The following RABGAP1L variants were observed in gnomAD, a reference collection of about 807,000 sequenced individuals.
RABGAP1L encodes the protein rab GTPase-activating protein 1-like.
RABGAP1L carries 63 observed loss-of-function variants against 137.7 expected under a neutral mutation model. That is an observed-to-expected ratio of 0.46 (90% CI 0.37 to 0.56). The LOEUF (loss-of-function observed/expected upper bound fraction) is 0.56. Among genes scored for constraint, RABGAP1L ranks in the 20% least tolerant of loss-of-function variants. The probability of loss-of-function intolerance (pLI) is 0.00; values close to 1 mark genes in which losing one functional copy is unlikely to be tolerated. For missense variants in RABGAP1L, 1,095 were observed against 1,244.0 expected (o/e 0.88, Z 1.80); for synonymous variants, 431 against 433.7 (o/e 0.99, Z 0.08).
At position 174,299,854 on chromosome 1, in the gene RABGAP1L, TC is replaced by T. The variant is rs575523736; in HGVS notation, c.1324-5131del. 8.5e-5 allele frequency among the ~76,000 whole-genome samples: 13 copies of T among 152,314 alleles called. No individual in the cohort carries two copies. The South Asian group carries it at 2.7e-3, about 32-fold the overall frequency. On this transcript the variant is annotated intron_variant, in intron 10 of 25. Transcript: ENST00000681986. The stretch of plus-strand genomic sequence containing the variant: ...TTACAGTCTCCAAAGTTATCAGAAG[TC>T]TGTGTTTGAGAGCGACTGTTAAAGT...
intron 14 of RABGAP1L, among the ~76,000 whole-genome samples, chr1:174,662,735 AT>A (rs1455454322): frequency 6.6e-6 from 1 of 152,150 alleles, no homozygotes; most frequent in Non-Finnish European, 1.5e-5. Context: ...CTCCATGCAT[AT>A]TTTTGTCCCT....
At chr1:174,222,832 G>A (rs1187628220) in intron 3 of RABGAP1L, among the ~76,000 whole-genome samples, 1 of 152,158 alleles carries the variant, frequency 6.6e-6, no homozygotes, top group East Asian at 1.9e-4. Flanking sequence ...GAATGGATAA[G>A]CTATTAGATT....
chr1:174,972,713 G>A (rs190444048), intron 21 of RABGAP1L, among the ~76,000 whole-genome samples: 224 of 152,144 alleles, frequency 1.5e-3, no homozygotes, highest in Non-Finnish European at 2.8e-3. Flanking sequence ...AATTAGCCAG[G>A]TGTGGCGGCA....
At chr1:174,615,779 A>G (rs1196862441) in intron 13 of RABGAP1L, among the ~76,000 whole-genome samples, 7 of 152,162 alleles carry the variant, frequency 4.6e-5, no homozygotes, top group Non-Finnish European at 8.8e-5. Context: ...AGCCTGGGCA[A>G]TGGTGGGCGC....
chr1:174,170,715 A>G (rs1389691335), intron 1 of RABGAP1L, among the ~76,000 whole-genome samples: 2 of 150,926 alleles, frequency 1.3e-5, no homozygotes, highest in Non-Finnish European at 2.9e-5. Flanking sequence ...TGTGAGAGGC[A>G]GTTATCTCTT....
At chr1:174,782,171 C>CCCTA (rs1687064764) in intron 18 of RABGAP1L, among the ~76,000 whole-genome samples, 1 of 152,198 alleles carries the variant, frequency 6.6e-6, no homozygotes, top group African/African-American at 2.4e-5. Context: ...TGGCCATTTT[C>CCCTA]ATGATATTGA....
intron 14 of RABGAP1L, among the ~76,000 whole-genome samples, chr1:174,647,631 G>A (rs111829045): frequency 0.017 from 2,634 of 152,040 alleles, 87 homozygotes; most frequent in African/African-American, 0.059. Context: ...GAGGATTTTC[G>A]CATTGATGTT....
chr1:174,539,982 A>AAG (rs1665235008), intron 13 of RABGAP1L, among the ~76,000 whole-genome samples: 1 of 152,206 alleles, frequency 6.6e-6, no homozygotes, highest in African/African-American at 2.4e-5. Flanking sequence ...AATGATCGCC[A>AAG]TTCTAACTGG....
chr1:174,270,194 G>A (rs1674434808), intron 7 of RABGAP1L, among the ~76,000 whole-genome samples: 1 of 149,816 alleles, frequency 6.7e-6, no homozygotes, highest in Admixed American at 6.6e-5. Flanking sequence ...TGGTGGCAGG[G>A]CTTTTTTTTT....
chr1:174,883,674 T>G (rs1365517075), intron 19 of RABGAP1L, among the ~76,000 whole-genome samples: 2 of 152,140 alleles, frequency 1.3e-5, no homozygotes, highest in Admixed American at 6.6e-5. Context: ...GCAGGAATCT[T>G]GCAGTAATGA....
intron 14 of RABGAP1L, among the ~76,000 whole-genome samples, chr1:174,652,920 C>G (rs970597765): frequency 6.6e-6 from 1 of 152,346 alleles, no homozygotes; most frequent in African/African-American, 2.4e-5. Flanking sequence ...CCCAGGTGCT[C>G]TGTCCCAGGG....
At chr1:174,540,304 C>G (rs961150901) in intron 13 of RABGAP1L, among the ~76,000 whole-genome samples, 2 of 152,116 alleles carry the variant, frequency 1.3e-5, no homozygotes, top group African/African-American at 4.8e-5. Context: ...TTAATTAAAT[C>G]CCATTTATCT....
chr1:174,188,216 A>G (rs890588529), intron 1 of RABGAP1L, among the ~76,000 whole-genome samples: 7 of 152,136 alleles, frequency 4.6e-5, no homozygotes, highest in African/African-American at 1.7e-4. Context: ...GTGGATTTGG[A>G]TTTGGTATTT....
intron 13 of RABGAP1L, among the ~76,000 whole-genome samples, chr1:174,571,028 T>C (rs1262215978): frequency 6.6e-6 from 1 of 152,198 alleles, no homozygotes; most frequent in Admixed American, 6.5e-5. Flanking sequence ...TAAGTGTGCA[T>C]GAGCAGATGA....
chr1:174,619,467 A>T (rs1459771315), intron 13 of RABGAP1L, among the ~76,000 whole-genome samples: 1 of 152,238 alleles, frequency 6.6e-6, no homozygotes, highest in East Asian at 1.9e-4. Context: ...AAGCCAGAAG[A>T]GAGTGGGGGC....
chr1:174,863,693 G>A (rs929502261), intron 19 of RABGAP1L, among the ~76,000 whole-genome samples: 11 of 143,198 alleles, frequency 7.7e-5, no homozygotes, highest in Admixed American at 1.4e-4. Flanking sequence ...AAAAAGGAAT[G>A]TTTTCTGGCC....
chr1:174,708,718 C>T (rs115381951), intron 17 of RABGAP1L, among the ~76,000 whole-genome samples: 3,232 of 152,258 alleles, frequency 0.021, 55 homozygotes, highest in Middle Eastern at 0.085. Context: ...ACTGGGCAGT[C>T]GTTTGGGCAG....
intron 18 of RABGAP1L, among the ~76,000 whole-genome samples, chr1:174,804,592 T>C (rs889497032): frequency 1.3e-5 from 2 of 152,156 alleles, no homozygotes; most frequent in African/African-American, 4.8e-5. Context: ...GGATTACAGG[T>C]GTGAACCACC....
At chr1:174,882,348 G>A (rs1189966932) in intron 19 of RABGAP1L, among the ~76,000 whole-genome samples, 1 of 152,150 alleles carries the variant, frequency 6.6e-6, no homozygotes, top group Admixed American at 6.5e-5. Flanking sequence ...GTTCTCAGGT[G>A]TGGATACTGC....
Sources: gnomAD v4.1 joint callset for allele counts (sites outside exome capture counted in the v4.1 genomes callset) on GRCh38, gnomAD v4.1.1 for gene constraint, MANE v1.5 for transcripts, NCBI Gene and HGNC (gene_info 2026-07-23, HGNC 2026-07-21) for gene names.